DOCK1: variants seen among roughly 807,000 people sequenced by gnomAD.
DOCK1 encodes the protein dedicator of cytokinesis protein 1.
In DOCK1, 138 loss-of-function variants were observed where a neutral mutation model predicts 262.7. The ratio of observed to expected loss-of-function variants is 0.53; its 90% confidence interval spans 0.46 to 0.61. The LOEUF is 0.61. Ranked by LOEUF, DOCK1 falls within the 20% of genes least tolerant of loss-of-function variation. The pLI, the probability that DOCK1 is intolerant of heterozygous loss-of-function variation, is 0.00. For missense variants in DOCK1, 1,908 were observed against 2,370.7 expected (o/e 0.80, Z 4.05); for synonymous variants, 866 against 867.4 (o/e 1.00, Z 0.03).
At chr10:127,104,012 C>T (rs1038222396) in intron 23 of DOCK1, among the ~76,000 whole-genome samples, 5 of 152,216 alleles carry the variant, frequency 3.3e-5, no homozygotes, top group Admixed American at 1.3e-4. Flanking sequence ...TTGCATTTCC[C>T]TGATGAGTAA....
chr10:127,425,854 T>C lies in DOCK1; in HGVS notation c.4777-20T>C. 6.2e-7 allele frequency: 1 copy of C among 1,613,860 alleles called. No homozygotes were observed. The highest frequency in any genetic ancestry group is 8.5e-7 in the Non-Finnish European group (1 of 1,179,820). On this transcript the variant is annotated intron_variant, in intron 46 of 51. Transcript: ENST00000623213. ...ACCATTATCCAAGAAATAAGGAATG[T>C]CAACCTCTCTGTTTTCCAGATTCCT...
chr10:127,345,954 C>T (rs926095796), intron 31 of DOCK1, among the ~76,000 whole-genome samples: 4 of 152,204 alleles, frequency 2.6e-5, no homozygotes, highest in Admixed American at 1.3e-4. Flanking sequence ...TGCGGCACAA[C>T]GCACTTCAAC....
intron 23 of DOCK1, among the ~76,000 whole-genome samples, chr10:127,089,129 C>G (rs762535003): frequency 3.3e-5 from 5 of 152,202 alleles, no homozygotes; most frequent in Non-Finnish European, 7.3e-5. Context: ...TTTTCCCTGC[C>G]CATACACATG....
chr10:127,176,539 A>G lies in DOCK1; in HGVS notation c.2847+48775A>G. On this transcript the variant is annotated intron_variant, in intron 27 of 51. Coordinates refer to ENST00000623213, the MANE Select transcript of DOCK1 (RefSeq NM_001290223.2). The surrounding 1 kb of genome is among the most constrained non-coding windows in gnomAD (Gnocchi z 4.4). The stretch of plus-strand genomic sequence containing the variant: ...GCAGGTGAGGTCGGCCTTTATGTTA[A>G]GGAAAATCACACGGGCTGAGAGTCG... 1.5e-6 allele frequency: 1 copy of G among 685,928 alleles called. No individual in the cohort carries two copies. Among genetic ancestry groups the G allele is most frequent in the South Asian group, 2.0e-5 (1 of 50,962 alleles). The allele number at this position is 685,928 out of a possible 1,614,324, so 42.5% of individuals were successfully genotyped here. A position where few individuals can be genotyped will look rare whatever the true frequency, so the allele number is the denominator to read the frequency against.
intron 18 of DOCK1, among the ~76,000 whole-genome samples, chr10:127,034,391 A>G (rs2043447261): frequency 6.6e-6 from 1 of 152,118 alleles, no homozygotes; most frequent in African/African-American, 2.4e-5. Flanking sequence ...TGAGAACAGC[A>G]CAGGAAAGAC....
intron 1 of DOCK1, among the ~76,000 whole-genome samples, chr10:126,949,092 T>C (rs2035928365): frequency 6.6e-6 from 1 of 152,140 alleles, no homozygotes; most frequent in Non-Finnish European, 1.5e-5. Context: ...CACGTTCTGC[T>C]GGGGGGAGGT....
chr10:127,124,583 G>A (rs1276537080), intron 25 of DOCK1, among the ~76,000 whole-genome samples: 1 of 152,164 alleles, frequency 6.6e-6, no homozygotes, highest in Non-Finnish European at 1.5e-5. Context: ...AGAACAAATG[G>A]AAACCCAAAC....
At chr10:127,032,994 G>T (rs1422172458) in intron 18 of DOCK1, among the ~76,000 whole-genome samples, 6 of 152,210 alleles carry the variant, frequency 3.9e-5, no homozygotes, top group Non-Finnish European at 8.8e-5. Context: ...CCATAGCCCT[G>T]TGTTAACCCT....
rs545145260 is a variant in DOCK1, at chr10:127,249,083, C to T, written c.2949+974C>T. On this transcript the variant is annotated intron_variant, in intron 28 of 51. Transcript: ENST00000623213. ...CCCTGGTGCCAAAAAGGATGGGGAC[C>T]GCTGTAAAAGAATACTCATAGATAC... is the stretch of plus-strand genomic sequence containing the variant. Among the ~76,000 whole-genome samples the T allele has an allele frequency of 1.4e-3, 207 of 152,036 alleles. 1 individual carries two copies. The highest frequency in any genetic ancestry group is 4.3e-3 in the African/African-American group (180 of 41,470).
chr10:127,369,639 T>C (rs968987349), intron 33 of DOCK1, among the ~76,000 whole-genome samples: 11 of 152,198 alleles, frequency 7.2e-5, no homozygotes, highest in Non-Finnish European at 1.0e-4. Flanking sequence ...TGTCATGGCC[T>C]GCGATGCAGC....
intron 1 of DOCK1, among the ~76,000 whole-genome samples, chr10:126,939,631 G>T (rs933965716): frequency 8.5e-5 from 13 of 152,122 alleles, no homozygotes; most frequent in African/African-American, 3.1e-4. Flanking sequence ...AGAGTGCTGG[G>T]ATTACAGGCG....
chr10:127,144,282 A>G (rs1564837928), intron 27 of DOCK1, among the ~76,000 whole-genome samples: 1 of 152,140 alleles, frequency 6.6e-6, no homozygotes, highest in Non-Finnish European at 1.5e-5. Context: ...TGGATTTTCT[A>G]GAATAACAAA....
chr10:126,939,814 A>G (rs1017031957), intron 1 of DOCK1, among the ~76,000 whole-genome samples: 3 of 152,218 alleles, frequency 2.0e-5, no homozygotes, highest in Non-Finnish European at 4.4e-5. Context: ...TGTTAATCCC[A>G]GAAGTCAGAT....
At chr10:127,417,062 G>T (rs7895595) in intron 44 of DOCK1, among the ~76,000 whole-genome samples, 137,854 of 152,252 alleles carry the variant, frequency 0.91, 62,591 homozygotes, top group African/African-American at 0.97. Context: ...TCGCCCATTC[G>T]CTGTTCATCT....
At chr10:127,028,541 G>T (rs1305180817) in intron 16 of DOCK1, among the ~76,000 whole-genome samples, 1 of 152,214 alleles carries the variant, frequency 6.6e-6, no homozygotes, top group African/African-American at 2.4e-5. Flanking sequence ...CAGTGGAAGA[G>T]CTTTGGTTCT....
intron 29 of DOCK1, among the ~76,000 whole-genome samples, chr10:127,277,265 G>T (rs931803336): frequency 6.6e-6 from 1 of 152,154 alleles, no homozygotes; most frequent in African/African-American, 2.4e-5. Context: ...AAATTTTGAT[G>T]AGGCAGCAGA....
chr10:127,199,268 T>G (rs1564897337), intron 27 of DOCK1, among the ~76,000 whole-genome samples: 1 of 152,166 alleles, frequency 6.6e-6, no homozygotes, highest in East Asian at 1.9e-4. Flanking sequence ...CTCTCTTCTT[T>G]TGCCTTCTTC....
intron 29 of DOCK1, among the ~76,000 whole-genome samples, chr10:127,311,346 C>G (rs2062056136): frequency 6.6e-6 from 1 of 152,184 alleles, no homozygotes; most frequent in African/African-American, 2.4e-5. Flanking sequence ...GAAATTCTTA[C>G]TCATCCTGCA....
At chr10:127,439,362 C>A in intron 49 of DOCK1, 137 bp downstream of exon 49, 1 of 819,674 alleles carries the variant, frequency 1.2e-6, no homozygotes. Flanking sequence ...CTGGGGTCCT[C>A]CTCCCCTAAC....
Sources: allele counts gnomAD v4.1 joint callset (sites outside exome capture counted in the v4.1 genomes callset), GRCh38; gene constraint gnomAD v4.1.1; non-coding constraint Gnocchi (gnomAD v3.1); transcripts MANE v1.5; gene names NCBI Gene and HGNC (gene_info 2026-07-23, HGNC 2026-07-21).